Variants in HACD2 observed in about 807,000 individuals in gnomAD.
HACD2 encodes very-long-chain (3R)-3-hydroxyacyl-CoA dehydratase 2.
Under a neutral mutation model 31.0 loss-of-function variants are expected in HACD2, and 15 were observed. The ratio of observed to expected loss-of-function variants is 0.48; its 90% CI spans 0.32 to 0.75. The LOEUF is 0.75. Ranked by LOEUF, HACD2 falls within the 30% of genes least tolerant of loss-of-function variation. HACD2 has a pLI of 0.03. For missense variants in HACD2, 283 were observed against 313.0 expected (o/e 0.90, Z 0.72); for synonymous variants, 115 against 122.2 (o/e 0.94, Z 0.39).
chr3:123,504,715 A>G (rs2055950912), intron 4 of HACD2, among the ~76,000 whole-genome samples: 1 of 152,216 alleles, frequency 6.6e-6, no homozygotes, highest in South Asian at 2.1e-4. Flanking sequence ...TGTGAAGACG[A>G]TGGCATAAGT....
chr3:123,498,110 C>T (rs965493136), intron 6 of HACD2, among the ~76,000 whole-genome samples: 2 of 152,172 alleles, frequency 1.3e-5, no homozygotes, highest in Non-Finnish European at 1.5e-5. Context: ...GCTGCTGGCT[C>T]AGGCCACAGC....
intron 3 of HACD2, among the ~76,000 whole-genome samples, chr3:123,535,591 G>A (rs1461094200): frequency 1.3e-5 from 2 of 152,216 alleles, no homozygotes; most frequent in East Asian, 1.9e-4. Context: ...AATCCTGAAT[G>A]TTTATTAATG....
intron 6 of HACD2, among the ~76,000 whole-genome samples, chr3:123,497,768 G>A (rs918375865): frequency 1.3e-5 from 2 of 152,158 alleles, no homozygotes; most frequent in African/African-American, 4.8e-5. Context: ...ACCCCAATAT[G>A]AGGAAACTCC....
chr3:123,562,965 T>C (rs1283128165), intron 3 of HACD2, among the ~76,000 whole-genome samples: 1 of 152,250 alleles, frequency 6.6e-6, no homozygotes, highest in Non-Finnish European at 1.5e-5. Context: ...TACTCCTTAT[T>C]GTTATCTCTA....
In HACD2 at chr3:123,579,638, T is replaced by C. The variant is rs1017297906; in HGVS notation, c.273+2574A>G. On this transcript the variant is annotated intron_variant, in intron 2 of 6. Transcript: ENST00000383657. ...CTAATATTATGATGTCTTAAAGAGA[T>C]AGAAACCCCTTTAAATTATTGAAGT... Among the ~76,000 whole-genome samples, 8 of 152,086 alleles carry C rather than the reference T, an allele frequency of 5.3e-5. No individual in the cohort carries two copies. In the East Asian group the frequency reaches 1.3e-3, roughly 26 times the overall value.
At chr3:123,498,178 A>G (rs548447881) in intron 6 of HACD2, among the ~76,000 whole-genome samples, 6 of 152,354 alleles carry the variant, frequency 3.9e-5, no homozygotes, top group Admixed American at 1.3e-4. Flanking sequence ...TCTGTGTGCC[A>G]TCTTGAACCT....
chr3:123,557,943 T>C (rs1178835763), intron 3 of HACD2, among the ~76,000 whole-genome samples: 2 of 152,230 alleles, frequency 1.3e-5, no homozygotes, highest in South Asian at 2.1e-4. Context: ...ATCCAAAGGA[T>C]TTGAAAACTT....
intron 3 of HACD2, among the ~76,000 whole-genome samples, chr3:123,534,214 G>C (rs951273407): frequency 6.6e-6 from 1 of 152,264 alleles, no homozygotes; most frequent in African/African-American, 2.4e-5. Context: ...TAGTGAAGTT[G>C]GGAGACTGGC....
intron 2 of HACD2, among the ~76,000 whole-genome samples, chr3:123,568,772 T>A (rs1397470762): frequency 6.6e-6 from 1 of 152,194 alleles, no homozygotes; most frequent in Non-Finnish European, 1.5e-5. Flanking sequence ...GTAGGGCATT[T>A]CAGAATTTTT....
At chr3:123,560,983 G>C (rs757979491) in intron 3 of HACD2, among the ~76,000 whole-genome samples, 2 of 152,144 alleles carry the variant, frequency 1.3e-5, no homozygotes, top group African/African-American at 4.8e-5. Context: ...GCTAAAATTT[G>C]GTGGGTTCTG....
intron 4 of HACD2, among the ~76,000 whole-genome samples, chr3:123,505,799 C>T (rs1201076296): frequency 6.6e-6 from 1 of 152,162 alleles, no homozygotes; most frequent in Non-Finnish European, 1.5e-5. Context: ...AAAAGGATAC[C>T]ATGAGCAAGA....
At chr3:123,577,627 A>G (rs2056922030) in intron 2 of HACD2, among the ~76,000 whole-genome samples, 1 of 151,868 alleles carries the variant, frequency 6.6e-6, no homozygotes, top group Non-Finnish European at 1.5e-5. Context: ...TCTCAAAAAA[A>G]AAAAAAAAAA....
intron 4 of HACD2, among the ~76,000 whole-genome samples, chr3:123,510,577 C>A (rs2056046538): frequency 6.6e-6 from 1 of 152,174 alleles, no homozygotes; most frequent in Admixed American, 6.5e-5. Flanking sequence ...ATGTCTGGTT[C>A]ATCTATGTGG....
intron 4 of HACD2, among the ~76,000 whole-genome samples, chr3:123,519,427 G>A (rs2056185866): frequency 6.6e-6 from 1 of 152,150 alleles, no homozygotes; most frequent in African/African-American, 2.4e-5. Flanking sequence ...CTTGATATGG[G>A]TAAGTTTAAA....
intron 3 of HACD2, among the ~76,000 whole-genome samples, chr3:123,549,060 T>C (rs2056591264): frequency 6.6e-6 from 1 of 151,544 alleles, no homozygotes; most frequent in African/African-American, 2.4e-5. Context: ...ATATCCTTTA[T>C]GTCCCTTCAA....
At position 123,534,721 on chromosome 3, in the gene HACD2, G is replaced by A. The variant is rs74830234; in HGVS notation, c.293-6247C>T. ...CAGCTCCATGTGTGTTAGTGCCTCC[G>A]AAGACCTTAAAGTGGGACACGATGT... On this transcript the variant is annotated intron_variant, in intron 3 of 6. Transcript: ENST00000383657. Among the ~76,000 whole-genome samples the A allele has an allele frequency of 4.3e-3, 647 of 152,022 alleles. 3 individuals are homozygous for A. Among genetic ancestry groups the A allele is most frequent in the African/African-American group, 0.015 (612 of 41,466 alleles).
chr3:123,535,518 C>A (rs1479463306), intron 3 of HACD2, among the ~76,000 whole-genome samples: 1 of 152,194 alleles, frequency 6.6e-6, no homozygotes, highest in Non-Finnish European at 1.5e-5. Flanking sequence ...ACATGCTAGT[C>A]AGGACAAGAA....
chr3:123,542,102 C>G (rs1244186216), intron 3 of HACD2, among the ~76,000 whole-genome samples: 2 of 138,782 alleles, frequency 1.4e-5, no homozygotes, highest in Admixed American at 7.4e-5. Flanking sequence ...AGCCGAGATC[C>G]CGCCACTGCA....
chr3:123,499,889 T>G (rs1576725931), intron 6 of HACD2, among the ~76,000 whole-genome samples: 1 of 152,340 alleles, frequency 6.6e-6, no homozygotes, highest in East Asian at 1.9e-4. Context: ...TGTCTTTTTC[T>G]CTGTCACTGA....
Sources: gnomAD v4.1 joint callset for allele counts (sites outside exome capture counted in the v4.1 genomes callset) on GRCh38, gnomAD v4.1.1 for gene constraint, MANE v1.5 for transcripts, NCBI Gene and HGNC (gene_info 2026-07-23, HGNC 2026-07-21) for gene names.